The following ANO3 variants were observed in gnomAD, a reference collection of about 807,000 sequenced individuals.
The protein encoded by ANO3 is anoctamin-3.
ANO3 carries 99 observed loss-of-function variants against 144.8 expected under a neutral mutation model. The ratio of observed to expected loss-of-function variants is 0.68; its 90% CI spans 0.58 to 0.81. The LOEUF is 0.81. Ranked by LOEUF, ANO3 falls within the 30% of genes least tolerant of loss-of-function variation. The pLI is 0.00. For missense variants in ANO3, 905 were observed against 1,202.2 expected (o/e 0.75, Z 3.66); for synonymous variants, 414 against 392.6 (o/e 1.05, Z -0.64).
intron 21 of ANO3, among the ~76,000 whole-genome samples, chr11:26,640,086 ATAT>A (rs1853099379): frequency 6.6e-6 from 1 of 152,138 alleles, no homozygotes; most frequent in Non-Finnish European, 1.5e-5. Flanking sequence ...TGTAGAAGTG[ATAT>A]TAACCCTGCA....
chr11:26,471,259 T>G (rs1446928623), intron 4 of ANO3, among the ~76,000 whole-genome samples: 1 of 151,880 alleles, frequency 6.6e-6, no homozygotes, highest in Non-Finnish European at 1.5e-5. Context: ...TGAGATATAC[T>G]CTCAGATTTA....
At chr11:26,243,580 G>T (rs1382470059) in intron 1 of ANO3, among the ~76,000 whole-genome samples, 1 of 152,152 alleles carries the variant, frequency 6.6e-6, no homozygotes, top group African/African-American at 2.4e-5. Context: ...TGGAAATGCA[G>T]TTGAAAGTTC....
intron 1 of ANO3, among the ~76,000 whole-genome samples, chr11:26,232,185 G>T (rs7941353): frequency 1.3e-5 from 2 of 151,922 alleles, no homozygotes; most frequent in African/African-American, 4.8e-5. Context: ...TGTCACTATG[G>T]TTGGCCCAGG....
At chr11:26,473,822 C>T in intron 4 of ANO3, 1 of 609,364 alleles carries the variant, frequency 1.6e-6, no homozygotes, top group Non-Finnish European at 2.1e-6. Context: ...GCCCCCTATT[C>T]CACCCTATAA....
intron 1 of ANO3, among the ~76,000 whole-genome samples, chr11:26,411,166 CTTA>C: frequency 6.6e-6 from 1 of 151,928 alleles, no homozygotes; most frequent in Non-Finnish European, 1.5e-5. Context: ...TAGTCATTTG[CTTA>C]CTCTGCAAAA....
At chr11:26,198,561 G>A (rs1452206614) in intron 1 of ANO3, among the ~76,000 whole-genome samples, 1 of 152,164 alleles carries the variant, frequency 6.6e-6, no homozygotes, top group East Asian at 1.9e-4. Context: ...GAAAGGAGGA[G>A]GGCATTCCTG....
chr11:26,646,981 C>T (rs1221429852), intron 23 of ANO3, among the ~76,000 whole-genome samples: 1 of 151,938 alleles, frequency 6.6e-6, no homozygotes, highest in African/African-American at 2.4e-5. Flanking sequence ...TTTTGAAATG[C>T]CAAGTGTGGG....
chr11:26,338,020 CCT>C (rs1300616098), intron 1 of ANO3, among the ~76,000 whole-genome samples: 2 of 152,172 alleles, frequency 1.3e-5, no homozygotes, highest in Middle Eastern at 3.4e-3. Context: ...GAGATTGACC[CCT>C]GTCACCACCT....
At chr11:26,469,668 A>G (rs1024923874) in intron 4 of ANO3, among the ~76,000 whole-genome samples, 1 of 151,980 alleles carries the variant, frequency 6.6e-6, no homozygotes, top group African/African-American at 2.4e-5. Context: ...GATACTAAAT[A>G]TATCAGTGTC....
At chr11:26,443,966 A>C in intron 3 of ANO3, 130 bp downstream of exon 3, 1 of 515,468 alleles carries the variant, frequency 1.9e-6, no homozygotes, top group Non-Finnish European at 3.4e-6. Flanking sequence ...ATAGGTGAGT[A>C]TAATATTCTG....
At chr11:26,485,688 C>T (rs1334479366) in intron 4 of ANO3, among the ~76,000 whole-genome samples, 2 of 152,060 alleles carry the variant, frequency 1.3e-5, no homozygotes, top group Admixed American at 6.6e-5. Flanking sequence ...GTCCTTTGCC[C>T]ACTTTTTAAA....
At chr11:26,520,291 T>TA (rs980410057) in intron 6 of ANO3, among the ~76,000 whole-genome samples, 1 of 152,120 alleles carries the variant, frequency 6.6e-6, no homozygotes, top group Non-Finnish European at 1.5e-5. Flanking sequence ...AGATCATTTT[T>TA]AAAAAAACTA....
intron 1 of ANO3, among the ~76,000 whole-genome samples, chr11:26,222,385 A>T (rs1852164851): frequency 6.6e-6 from 1 of 152,130 alleles, no homozygotes; most frequent in South Asian, 2.1e-4. Context: ...ACTCTCACAG[A>T]TTGGAGTTGC....
intron 4 of ANO3, among the ~76,000 whole-genome samples, chr11:26,474,328 C>A (rs1859883687): frequency 6.6e-6 from 1 of 151,690 alleles, no homozygotes; most frequent in Admixed American, 6.6e-5. Context: ...CTGTGTTTAT[C>A]TTGCATGTAA....
At chr11:26,259,865 C>A (rs1444320113) in intron 1 of ANO3, among the ~76,000 whole-genome samples, 2 of 151,830 alleles carry the variant, frequency 1.3e-5, no homozygotes, top group Non-Finnish European at 1.5e-5. Flanking sequence ...ATATACAAAG[C>A]AAGACCAACT....
At chr11:26,614,796 C>CCT (rs1012103108) in intron 17 of ANO3, among the ~76,000 whole-genome samples, 1 of 151,778 alleles carries the variant, frequency 6.6e-6, no homozygotes, top group Non-Finnish European at 1.5e-5. Flanking sequence ...AGGGTGTCTT[C>CCT]CTCTCTCTCT....
At chr11:26,491,457 T>G (rs1019958324) in intron 4 of ANO3, among the ~76,000 whole-genome samples, 2 of 152,166 alleles carry the variant, frequency 1.3e-5, no homozygotes, top group African/African-American at 4.8e-5. Context: ...ATCAACTGGC[T>G]CAAAAATTAC....
upstream of ANO3, among the ~76,000 whole-genome samples, chr11:26,331,135 G>A (rs1011541893): frequency 2.0e-5 from 3 of 152,124 alleles, no homozygotes; most frequent in African/African-American, 7.2e-5. Context: ...GCTGAATGAT[G>A]AGAACACACG....
rs1420480827 is a variant in ANO3, at chr11:26,562,977, G to T, written c.1447+3198G>T. 3 of 1,201,132 alleles carry T rather than the reference G, an allele frequency of 2.5e-6. No individual in the cohort carries two copies. In the South Asian group the frequency reaches 6.8e-5, roughly 27 times the overall value. The allele number at this position is 1,201,132 out of a possible 1,614,324, so 74.4% of individuals were successfully genotyped here. ...TGGTTTTGTTCTTTGATAAACAGAA[G>T]GTGGATCAGAATAAGTCTTTAGTTT... is the stretch of plus-strand genomic sequence containing the variant. On this transcript the variant is annotated intron_variant, in intron 14 of 26. Transcript: ENST00000256737.
Sources: allele counts gnomAD v4.1 joint callset (sites outside exome capture counted in the v4.1 genomes callset), GRCh38; gene constraint gnomAD v4.1.1; transcripts MANE v1.5; gene names NCBI Gene and HGNC (gene_info 2026-07-23, HGNC 2026-07-21).